Variants in KCNK2 observed in about 807,000 individuals in gnomAD.
The protein encoded by KCNK2 is potassium two pore domain channel subfamily K member 2.
A neutral mutation model predicts 40.5 loss-of-function variants in KCNK2; 21 were observed. The ratio of observed to expected loss-of-function variants is 0.52; its 90% CI spans 0.37 to 0.75. The LOEUF (loss-of-function observed/expected upper bound fraction) is 0.75, where lower values mean the gene tolerates loss of function less well. KCNK2 is among the 30% of genes least tolerant of loss of function. The probability of loss-of-function intolerance (pLI) is 0.00; values close to 1 mark genes in which losing one functional copy is unlikely to be tolerated. For missense variants in KCNK2, 399 were observed against 531.6 expected, an observed-to-expected ratio of 0.75 and a Z score of 2.45; for synonymous variants, 191 against 202.2, an observed-to-expected ratio of 0.94 and a Z score of 0.47.
chr1:215,128,520 T>A (rs1228229324), intron 3 of KCNK2, among the ~76,000 whole-genome samples: 3 of 151,730 alleles, frequency 2.0e-5, no homozygotes, highest in African/African-American at 7.3e-5. Context: ...CAAAAATAAG[T>A]CTTGGATAAT....
At chr1:215,038,614 T>C (rs529172077) in intron 1 of KCNK2, among the ~76,000 whole-genome samples, 2 of 152,208 alleles carry the variant, frequency 1.3e-5, no homozygotes, top group South Asian at 4.1e-4. Flanking sequence ...TTGTTCCCAA[T>C]GAGTTTGCTA....
intron 4 of KCNK2, among the ~76,000 whole-genome samples, chr1:215,170,124 C>G (rs1663635194): frequency 1.3e-5 from 2 of 152,086 alleles, no homozygotes; most frequent in South Asian, 4.1e-4. Context: ...ACTGACTGTA[C>G]TTTATTATTT....
intron 3 of KCNK2, 124 bp downstream of exon 3, chr1:215,124,874 A>G: frequency 1.5e-6 from 1 of 662,038 alleles, no homozygotes. Context: ...AGATTATAGT[A>G]AATTGATTTT....
intron 3 of KCNK2, among the ~76,000 whole-genome samples, chr1:215,130,176 A>T (rs1661604572): frequency 6.6e-6 from 1 of 152,180 alleles, no homozygotes; most frequent in African/African-American, 2.4e-5. Context: ...GGTTGAGTTT[A>T]ATCACCAATG....
chr1:215,129,584 A>G (rs927796374), intron 3 of KCNK2, among the ~76,000 whole-genome samples: 7 of 152,146 alleles, frequency 4.6e-5, no homozygotes, highest in African/African-American at 1.2e-4. Context: ...AGCTATGTAA[A>G]GAAAAGTGGA....
In KCNK2 at chr1:215,212,008, C is replaced by A. The variant is rs186728231; in HGVS notation, c.963+16916C>A. On this transcript the variant is annotated intron_variant, in intron 6 of 6. Coordinates refer to ENST00000444842, the MANE Select transcript of KCNK2 (RefSeq NM_001017425.3). ...TTAATTTTATATTTGAGTAGCTTGG[C>A]AAATAAGCTACTTAAAATTTTCAAG... 2.6e-3 allele frequency among the ~76,000 whole-genome samples: 393 copies of A among 151,966 alleles called. 6 individuals carry two copies. Among genetic ancestry groups the A allele is most frequent in the Admixed American group, 0.021 (314 of 15,240 alleles).
chr1:215,210,011 A>AAT (rs1553274453), intron 6 of KCNK2, among the ~76,000 whole-genome samples: 8 of 22,144 alleles, frequency 3.6e-4, no homozygotes, highest in South Asian at 3.4e-3. Flanking sequence ...TATTATATAT[A>AAT]ATATATAATA....
chr1:215,157,865 T>C (rs1434578942), intron 3 of KCNK2, among the ~76,000 whole-genome samples: 1 of 152,198 alleles, frequency 6.6e-6, no homozygotes, highest in Non-Finnish European at 1.5e-5. Context: ...GAACCTGTGG[T>C]ACATCTGTGG....
intron 2 of KCNK2, among the ~76,000 whole-genome samples, chr1:215,117,512 G>T (rs1359830554): frequency 6.6e-6 from 1 of 152,072 alleles, no homozygotes; most frequent in African/African-American, 2.4e-5. Flanking sequence ...ATATCATACT[G>T]CAGTGAAATT....
chr1:215,020,318 C>T (rs1170796440), intron 1 of KCNK2, among the ~76,000 whole-genome samples: 3 of 152,174 alleles, frequency 2.0e-5, no homozygotes, highest in Non-Finnish European at 2.9e-5. Flanking sequence ...TCTTGAATGG[C>T]TTCTAAATTG....
intron 2 of KCNK2, among the ~76,000 whole-genome samples, chr1:215,087,138 C>T (rs1659480715): frequency 6.6e-6 from 1 of 152,204 alleles, no homozygotes; most frequent in Non-Finnish European, 1.5e-5. Context: ...TTAATCTTGG[C>T]AGTGGCCATC....
chr1:215,031,642 T>A (rs79168609), intron 1 of KCNK2, among the ~76,000 whole-genome samples: 38,161 of 151,852 alleles, frequency 0.25, 5,640 homozygotes, highest in South Asian at 0.53. Context: ...AAATCTTAAA[T>A]ATTTCAGTCC....
chr1:215,227,145 A>G (rs1666415046), intron 6 of KCNK2, among the ~76,000 whole-genome samples: 1 of 152,250 alleles, frequency 6.6e-6, no homozygotes, highest in Admixed American at 6.5e-5. Flanking sequence ...GGAGCTGGGA[A>G]TACTGAATAG....
intron 1 of KCNK2, among the ~76,000 whole-genome samples, chr1:215,014,979 A>C (rs1398884390): frequency 6.6e-6 from 1 of 152,168 alleles, no homozygotes; most frequent in Non-Finnish European, 1.5e-5. Context: ...AGAGTAACAT[A>C]GGCTAGTATT....
chr1:215,211,518 C>T (rs1051365760), intron 6 of KCNK2, among the ~76,000 whole-genome samples: 3 of 152,150 alleles, frequency 2.0e-5, no homozygotes, highest in Non-Finnish European at 2.9e-5. Context: ...TTCCATACAA[C>T]GTGCTAACTT....
intron 1 of KCNK2, among the ~76,000 whole-genome samples, chr1:215,053,155 G>A (rs1224323296): frequency 6.6e-6 from 1 of 152,096 alleles, no homozygotes; most frequent in Admixed American, 6.5e-5. Flanking sequence ...GCCATTTAAC[G>A]ATGAGTCCGT....
At chr1:215,220,948 C>T (rs1343845901) in intron 6 of KCNK2, among the ~76,000 whole-genome samples, 1 of 152,222 alleles carries the variant, frequency 6.6e-6, no homozygotes, top group Non-Finnish European at 1.5e-5. Flanking sequence ...GGTCATCAGA[C>T]AGTGGTACTT....
chr1:215,042,906 C>T (rs1416409326), intron 1 of KCNK2, among the ~76,000 whole-genome samples: 2 of 152,100 alleles, frequency 1.3e-5, no homozygotes, highest in Non-Finnish European at 2.9e-5. Flanking sequence ...AGACAAAATG[C>T]CAATGTATCC....
At chr1:215,209,899 TTTG>T (rs1354856476) in intron 6 of KCNK2, among the ~76,000 whole-genome samples, 2 of 90,368 alleles carry the variant, frequency 2.2e-5, no homozygotes, top group Non-Finnish European at 4.3e-5. Context: ...TATACTGACT[TTTG>T]TTGAACTTGT....
Sources: gnomAD v4.1 joint callset for allele counts (sites outside exome capture counted in the v4.1 genomes callset) on GRCh38, gnomAD v4.1.1 for gene constraint, MANE v1.5 for transcripts, NCBI Gene and HGNC (gene_info 2026-07-23, HGNC 2026-07-21) for gene names.